The following LINC00632 variants were observed in gnomAD, a reference collection of about 807,000 sequenced individuals.
LINC00632 encodes ALDOA related specific transcript.
At chrX:140,757,325 T>C (rs1338043546) in intron 3 of LINC00632, among the ~76,000 whole-genome samples, 1 of 111,433 alleles carries the variant, frequency 9.0e-6, no homozygotes, top group African/African-American at 3.3e-5. Flanking sequence ...ATTGGCAAGC[T>C]GAATGGCAGA....
At chrX:140,755,381 T>C (rs1466041102) in intron 3 of LINC00632, among the ~76,000 whole-genome samples, 2 of 112,325 alleles carry the variant, frequency 1.8e-5, no homozygotes, top group African/African-American at 6.5e-5. Flanking sequence ...CAAGATTAAG[T>C]TAAAGGTGTA....
exon 5 of LINC00632, chrX:140,783,614 A>T (rs753575619): frequency 1.7e-6 from 2 of 1,209,013 alleles, no homozygotes; most frequent in Non-Finnish European, 2.2e-6. Context: ...TCCAGAAAGA[A>T]ATCCAGGTCT....
chrX:140,729,877 CTT>C (rs1207034823), intron 2 of LINC00632, among the ~76,000 whole-genome samples: 2 of 90,826 alleles, frequency 2.2e-5, no homozygotes, highest in African/African-American at 4.3e-5. Flanking sequence ...TTTCTTTTTT[CTT>C]TTTTTTTTTT....
intron 3 of LINC00632, among the ~76,000 whole-genome samples, chrX:140,734,546 T>A (rs1015028954): frequency 9.1e-6 from 1 of 110,319 alleles, no homozygotes; most frequent in Non-Finnish European, 1.9e-5. Flanking sequence ...ATGAATACAT[T>A]TTCAATATTT....
chrX:140,768,842 G>A (rs1379183873), intron 3 of LINC00632, among the ~76,000 whole-genome samples: 1 of 102,064 alleles, frequency 9.8e-6, no homozygotes, highest in East Asian at 2.9e-4. Flanking sequence ...ATATATATTT[G>A]TACTAATATA....
chrX:140,770,576 A>G (rs1286280564), intron 3 of LINC00632, among the ~76,000 whole-genome samples: 2 of 111,864 alleles, frequency 1.8e-5, no homozygotes, highest in Non-Finnish European at 3.8e-5. Context: ...TTTCCATAAA[A>G]TAAATTACTG....
intron 3 of LINC00632, among the ~76,000 whole-genome samples, chrX:140,744,664 G>T (rs1001468463): frequency 3.7e-5 from 4 of 107,423 alleles, no homozygotes; most frequent in African/African-American, 1.4e-4. Context: ...CTGCCTCCCA[G>T]GTGCAAGCGA....
At position 140,743,783 on chromosome X, in the gene LINC00632, G is replaced by A. The variant is rs765360718; in HGVS notation, n.191+9819G>A. On this transcript the variant is annotated intron_variant and non_coding_transcript_variant, in intron 3 of 4. Transcript: ENST00000648200. ...GATTTTTGCTGTTAGGTACAGGGAA[G>A]CCTTCCCCAAAAGAAAGTCGAGAGG... Among the ~76,000 whole-genome samples the A allele has an allele frequency of 3.6e-5, 4 of 110,881 alleles. No individual in the cohort carries two copies. In the East Asian group the frequency reaches 1.1e-3, roughly 32 times the overall value.
intron 3 of LINC00632, among the ~76,000 whole-genome samples, chrX:140,762,861 CA>C (rs1234731362): frequency 9.0e-6 from 1 of 111,669 alleles, no homozygotes; most frequent in African/African-American, 3.3e-5. Flanking sequence ...AAAGATTGTA[CA>C]AAAAATGACC....
At chrX:140,717,729 C>T (rs1183529560) in intron 2 of LINC00632, among the ~76,000 whole-genome samples, 1 of 111,849 alleles carries the variant, frequency 8.9e-6, no homozygotes, top group Non-Finnish European at 1.9e-5. Flanking sequence ...ACATGCATCA[C>T]TTACTAGTTG....
intron 3 of LINC00632, among the ~76,000 whole-genome samples, chrX:140,734,822 C>T (rs1245663335): frequency 2.0e-5 from 2 of 97,924 alleles, no homozygotes; most frequent in African/African-American, 3.9e-5. Flanking sequence ...AGTGCAGTGG[C>T]GCAATTTCAC....
intron 3 of LINC00632, among the ~76,000 whole-genome samples, chrX:140,737,562 C>T (rs1360378942): frequency 9.0e-6 from 1 of 111,435 alleles, no homozygotes; most frequent in Admixed American, 9.6e-5. Context: ...AGAACTTATT[C>T]CTTCTATTTA....
chrX:140,713,645 A>G (rs1930564912), intron 2 of LINC00632: 1 of 340,285 alleles, frequency 2.9e-6, no homozygotes, highest in African/African-American at 2.7e-5. Flanking sequence ...CTCACAGTAC[A>G]CACACTTGCC....
chrX:140,713,752 G>C (rs1320306610), intron 2 of LINC00632: 1 of 340,752 alleles, frequency 2.9e-6, no homozygotes, highest in Non-Finnish European at 5.9e-6. Context: ...CGTATCATTA[G>C]ACTCTCCCAG....
At chrX:140,748,541 T>C (rs753892391) in intron 3 of LINC00632, among the ~76,000 whole-genome samples, 1 of 110,996 alleles carries the variant, frequency 9.0e-6, no homozygotes, top group Admixed American at 9.8e-5. Context: ...ATTCAGACAA[T>C]GAAACATCTT....
exon 5 of LINC00632, chrX:140,784,840 C>T: frequency 6.9e-6 from 1 of 145,231 alleles, no homozygotes; most frequent in Non-Finnish European, 1.5e-5. Flanking sequence ...TGGGACATTC[C>T]TCCTTATAGA....
chrX:140,733,140 A>T (rs143759439), intron 2 of LINC00632, among the ~76,000 whole-genome samples: 164 of 112,475 alleles, frequency 1.5e-3, no homozygotes, highest in Non-Finnish European at 2.3e-3. Context: ...TGCTAAATAC[A>T]CTGTGTAAAA....
chrX:140,753,025 G>C (rs1443850798), intron 3 of LINC00632, among the ~76,000 whole-genome samples: 1 of 112,109 alleles, frequency 8.9e-6, no homozygotes, highest in Non-Finnish European at 1.9e-5. Flanking sequence ...TATTTGGCTA[G>C]ATGATATGAT....
intron 2 of LINC00632, among the ~76,000 whole-genome samples, chrX:140,726,747 C>T (rs1027876868): frequency 1.2e-4 from 14 of 112,026 alleles, no homozygotes; most frequent in African/African-American, 4.5e-4. Flanking sequence ...GGATACACCT[C>T]ACAATACAGA....
Sources: gnomAD v4.1 joint callset for allele counts (sites outside exome capture counted in the v4.1 genomes callset) on GRCh38, gnomAD v4.1.1 for gene constraint, MANE v1.5 for transcripts, NCBI Gene and HGNC (gene_info 2026-07-23, HGNC 2026-07-21) for gene names.